The following ATF7IP variants were observed in gnomAD, a reference collection of about 807,000 sequenced individuals.
ATF7IP encodes the protein activating transcription factor 7-interacting protein 1.
In ATF7IP, 23 loss-of-function variants were observed where a neutral mutation model predicts 106.4. The observed-to-expected ratio is 0.22, with a 90% CI of 0.16 to 0.31. The LOEUF is 0.31. Ranked by LOEUF, ATF7IP falls within the 10% of genes least tolerant of loss-of-function variation. The pLI, the probability that ATF7IP is intolerant of heterozygous loss-of-function variation, is 1.00. For missense variants in ATF7IP, 1,334 were observed against 1,524.3 expected, an observed-to-expected ratio of 0.88 and a Z score of 2.08; for synonymous variants, 542 against 539.0, an observed-to-expected ratio of 1.01 and a Z score of -0.08.
At chr12:14,426,733 G>A (rs1941865368) in intron 2 of ATF7IP, among the ~76,000 whole-genome samples, 1 of 148,570 alleles carries the variant, frequency 6.7e-6, no homozygotes. Flanking sequence ...GCCTGAGGTA[G>A]GGGGATCACT....
chr12:14,390,340 A>C (rs1477351497), intron 1 of ATF7IP, among the ~76,000 whole-genome samples: 2 of 152,358 alleles, frequency 1.3e-5, no homozygotes. Flanking sequence ...TTTTATATAG[A>C]GTGCCATGGG....
In ATF7IP at chr12:14,424,133, G is replaced by A. The variant is rs1941692863; in HGVS notation, c.218G>A (p.Gly73Asp). 6.2e-7 allele frequency: 1 copy of A among 1,614,186 alleles called. No homozygotes were observed. ...DYIKDKEEVNGIEEICFDPEG... is the reference protein window; with the variant it reads ...DYIKDKEEVNDIEEICFDPEG... The stretch of plus-strand genomic sequence containing the variant: ...ATTAAAGACAAGGAAGAGGTGAATG[G>A]CATTGAAGAGATTTGTTTTGATCCT... The change falls in exon 2 of 15, where the codon GGC (glycine) becomes GAC (aspartate). Residue 73 changes from glycine to aspartate, a missense_variant. Around this residue, in one of 10 missense-constraint regions of ATF7IP, gnomAD observed 74 missense variants for 101.9 expected, o/e 0.73. Transcript: ENST00000261168.
chr12:14,441,945 GTATA>G (rs1354724126), intron 5 of ATF7IP, among the ~76,000 whole-genome samples: 5 of 152,136 alleles, frequency 3.3e-5, no homozygotes, highest in Non-Finnish European at 7.3e-5. Context: ...CTTACAGATG[GTATA>G]TAGTTTGGTC....
At chr12:14,495,385 A>G (rs1452786727) in intron 13 of ATF7IP, among the ~76,000 whole-genome samples, 1 of 152,228 alleles carries the variant, frequency 6.6e-6, no homozygotes, top group African/African-American at 2.4e-5. Flanking sequence ...TATCATTTAG[A>G]AAATAAACTG....
At chr12:14,416,639 C>G (rs1250378246) in intron 1 of ATF7IP, among the ~76,000 whole-genome samples, 2 of 152,138 alleles carry the variant, frequency 1.3e-5, no homozygotes, top group Non-Finnish European at 2.9e-5. Context: ...CAAAGAAACC[C>G]TACCATGACC....
intron 13 of ATF7IP, among the ~76,000 whole-genome samples, chr12:14,484,721 G>T (rs981116764): frequency 6.6e-6 from 1 of 152,192 alleles, no homozygotes; most frequent in African/African-American, 2.4e-5. Context: ...AGAACGCAGC[G>T]TGACAGGAGT....
chr12:14,407,094 C>A (rs1440546319), intron 1 of ATF7IP, among the ~76,000 whole-genome samples: 1 of 152,106 alleles, frequency 6.6e-6, no homozygotes, highest in East Asian at 1.9e-4. Flanking sequence ...AAAATAAGTC[C>A]TCTACATATA....
Position 14,411,730 on chromosome 12 carries a change from C to G in ATF7IP, c.-7-12179C>G, listed in dbSNP as rs112911676. Among the ~76,000 whole-genome samples, 773 of 151,750 alleles carry G rather than the reference C, an allele frequency of 5.1e-3. 3 individuals are homozygous for G. Among genetic ancestry groups the G allele is most frequent in the East Asian group, 0.015 (76 of 5,166 alleles). ...TATTTTCGTCCATTGTGTGAATTGT[C>G]TTTTCACTTTCTTAGTGGTTTCCTT... On this transcript the variant is annotated intron_variant, in intron 1 of 14. Transcript: ENST00000261168.
intron 1 of ATF7IP, among the ~76,000 whole-genome samples, chr12:14,383,146 G>A (rs1019909466): frequency 6.6e-6 from 1 of 152,116 alleles, no homozygotes; most frequent in Non-Finnish European, 1.5e-5. Flanking sequence ...ATTTCTGCTT[G>A]TATCAGTTTT....
intron 2 of ATF7IP, among the ~76,000 whole-genome samples, chr12:14,431,472 G>T (rs1194805652): frequency 6.6e-6 from 1 of 150,790 alleles, no homozygotes; most frequent in African/African-American, 2.5e-5. Context: ...TCGGCTCACT[G>T]CAAGCTCCGC....
In ATF7IP at chr12:14,497,737, T is replaced by C; in HGVS notation, c.3477T>C (p.Ser1159=). 1.2e-6 allele frequency: 2 copies of C among 1,614,152 alleles called. No homozygotes were observed. Among genetic ancestry groups the C allele is most frequent in the Non-Finnish European group, 1.7e-6 (2 of 1,180,024 alleles). The change falls in exon 15 of 15, where the codon TCT becomes TCC. Residue 1159 remains serine, a synonymous_variant. Coordinates refer to ENST00000261168, the MANE Select transcript of ATF7IP (RefSeq NM_018179.5). ...TGCCCCCAGAAGCTGCCAGCACATC[T>C]CTGCCTCAGAAGCCACACTTGAAGT... ...QRLPPEAAST[S]LPQKPHLKLA...
At chr12:14,367,071 ATTCT>A (rs1400569794) in intron 1 of ATF7IP, among the ~76,000 whole-genome samples, 6 of 152,152 alleles carry the variant, frequency 3.9e-5, no homozygotes, top group African/African-American at 1.2e-4. Flanking sequence ...CGTTGTGCAA[ATTCT>A]TTCTTACTAA....
chr12:14,425,094 C>G lies in ATF7IP; in HGVS notation c.1179C>G (p.Asp393Glu). The G allele has an allele frequency of 6.3e-7, 1 of 1,589,182 alleles. No individual in the cohort carries two copies. Among genetic ancestry groups the G allele is most frequent in the South Asian group, 1.2e-5 (1 of 85,780 alleles). Residue 393 changes from aspartate to glutamate, a missense_variant, in exon 2 of 15, where the codon GAC becomes GAG. Around this residue, in one of 10 missense-constraint regions of ATF7IP, gnomAD observed 438 missense variants for 405.3 expected, o/e 1.08. Coordinates refer to ENST00000261168, the MANE Select transcript of ATF7IP (RefSeq NM_018179.5). ...CTATATCTAGCAGTATGGAAATTGA[C>G]CAAGGTGAAAAGAATGAAGATGAAA... The part of the protein sequence containing the change: ...EDAISSSMEI[D>E]QGEKNEDETS...
At chr12:14,465,611 G>A (rs192546213) in intron 9 of ATF7IP, among the ~76,000 whole-genome samples, 73 of 152,066 alleles carry the variant, frequency 4.8e-4, no homozygotes, top group African/African-American at 1.5e-3. Flanking sequence ...AAATCAAAGG[G>A]CATTCTTTTT....
intron 9 of ATF7IP, among the ~76,000 whole-genome samples, chr12:14,462,461 A>G (rs1374740135): frequency 6.6e-6 from 1 of 151,980 alleles, no homozygotes; most frequent in African/African-American, 2.4e-5. Flanking sequence ...TCCTTATGAA[A>G]TTTTGAGGCA....
Position 14,498,087 on chromosome 12 carries a change from T to C in ATF7IP, c.*14T>C, listed in dbSNP as rs747133614. On this transcript the variant is annotated 3_prime_UTR_variant, in exon 15 of 15. Transcript: ENST00000261168. ...CAGAGCAGTTAAACCTTGGAGCCTT[T>C]ATATTTTCCTCTTTTAAAATTTCCA... 27 of 1,538,458 alleles carry C rather than the reference T, an allele frequency of 1.8e-5. No homozygotes were observed. The highest frequency in any genetic ancestry group is 1.1e-4 in the Admixed American group (5 of 47,396).
chr12:14,438,056 A>C, intron 4 of ATF7IP, 74 bp from the exon 5 acceptor site: 2 of 1,473,504 alleles, frequency 1.4e-6, no homozygotes, highest in Non-Finnish European at 9.2e-7. Context: ...CTGTCTCAAA[A>C]AAAAAGAATA....
chr12:14,438,601 A>C (rs191558001), intron 5 of ATF7IP, among the ~76,000 whole-genome samples: 9 of 152,280 alleles, frequency 5.9e-5, no homozygotes, highest in Non-Finnish European at 1.3e-4. Context: ...GTTCTTTGGC[A>C]TTGTAGAAAC....
At chr12:14,483,387 G>T (rs923707842) in intron 13 of ATF7IP, among the ~76,000 whole-genome samples, 2 of 152,106 alleles carry the variant, frequency 1.3e-5, no homozygotes, top group African/African-American at 4.8e-5. Flanking sequence ...GGTAGTCCGG[G>T]ACAGTCACCA....
Sources: allele counts gnomAD v4.1 joint callset (sites outside exome capture counted in the v4.1 genomes callset), GRCh38; gene constraint gnomAD v4.1.1; regional missense constraint gnomAD v4.1.1; transcripts MANE v1.5; gene names NCBI Gene and HGNC (gene_info 2026-07-23, HGNC 2026-07-21).